Variants in TRAPPC8 observed in about 807,000 individuals in gnomAD.
TRAPPC8 encodes trafficking protein particle complex subunit 8.
TRAPPC8 carries 54 observed loss-of-function variants against 174.3 expected under a neutral mutation model. The ratio of observed to expected loss-of-function variants is 0.31; its 90% CI spans 0.25 to 0.39. TRAPPC8 has a LOEUF of 0.39. Among genes scored for constraint, TRAPPC8 ranks in the 10% least tolerant of loss-of-function variants. TRAPPC8 has a pLI of 1.00. For synonymous variants in TRAPPC8, 630 were observed against 579.9 expected, an observed-to-expected ratio of 1.09 and a Z score of -1.24; for missense variants, 1,531 against 1,699.1, an observed-to-expected ratio of 0.90 and a Z score of 1.74.
intron 12 of TRAPPC8, among the ~76,000 whole-genome samples, 155 bp from the exon 13 acceptor site, chr18:31,874,859 A>T (rs893418631): frequency 6.6e-6 from 1 of 152,248 alleles, no homozygotes; most frequent in Non-Finnish European, 1.5e-5. Flanking sequence ...ATTTATGATA[A>T]TCCCTTCACA....
chr18:31,882,070 A>C (rs2035481829), intron 12 of TRAPPC8, among the ~76,000 whole-genome samples: 1 of 152,194 alleles, frequency 6.6e-6, no homozygotes, highest in South Asian at 2.1e-4. Flanking sequence ...ATAAAAGAGA[A>C]CTACCATTCA....
intron 2 of TRAPPC8, among the ~76,000 whole-genome samples, chr18:31,921,709 G>A (rs1453253777): frequency 6.6e-6 from 1 of 151,848 alleles, no homozygotes; most frequent in East Asian, 1.9e-4. Flanking sequence ...TTTCTGCAAT[G>A]TATAATGTAG....
chr18:31,876,708 T>A (rs2035172724), intron 12 of TRAPPC8, among the ~76,000 whole-genome samples: 1 of 151,848 alleles, frequency 6.6e-6, no homozygotes, highest in Admixed American at 6.6e-5. Context: ...CAAAACCCCA[T>A]GGAAAGGGTA....
intron 2 of TRAPPC8, among the ~76,000 whole-genome samples, chr18:31,921,260 A>G (rs759003903): frequency 1.6e-4 from 24 of 152,208 alleles, no homozygotes; most frequent in Non-Finnish European, 3.4e-4. Context: ...TTATCTATAC[A>G]AGAGAGAAGA....
chr18:31,872,069 C>G (rs2034892803), intron 14 of TRAPPC8, among the ~76,000 whole-genome samples: 2 of 151,884 alleles, frequency 1.3e-5, no homozygotes, highest in African/African-American at 4.8e-5. Flanking sequence ...TTTCGTGTAG[C>G]CATCACCCAA....
chr18:31,900,894 G>T, intron 10 of TRAPPC8, 31 bp downstream of exon 10: 1 of 1,458,456 alleles, frequency 6.9e-7, no homozygotes, highest in Non-Finnish European at 9.3e-7. Flanking sequence ...CCTTTAACTG[G>T]ATACAATATA....
chr18:31,913,331 C>T (rs1362328735), intron 5 of TRAPPC8, 38 bp downstream of exon 5: 12 of 1,528,272 alleles, frequency 7.9e-6, no homozygotes, highest in South Asian at 3.9e-5. Flanking sequence ...ACTGAAGTAT[C>T]GTTTTTGTGG....
chr18:31,940,912 A>G (rs1163723490), intron 1 of TRAPPC8, among the ~76,000 whole-genome samples: 1 of 99,456 alleles, frequency 1.0e-5, no homozygotes, highest in Non-Finnish European at 2.4e-5. Flanking sequence ...TAAGAACACA[A>G]TGTCTTGAGT....
intron 26 of TRAPPC8, among the ~76,000 whole-genome samples, chr18:31,844,180 A>G (rs933893608): frequency 6.6e-6 from 1 of 152,206 alleles, no homozygotes. Context: ...TGTTGCAAAT[A>G]AAAAAACTAC....
chr18:31,890,109 G>C (rs975930674), intron 12 of TRAPPC8, among the ~76,000 whole-genome samples: 2 of 152,130 alleles, frequency 1.3e-5, no homozygotes, highest in African/African-American at 4.8e-5. Context: ...ATATAGAGAT[G>C]GTTGTTTAAT....
At chr18:31,871,936 GT>G (rs1430836810) in intron 14 of TRAPPC8, among the ~76,000 whole-genome samples, 3 of 152,038 alleles carry the variant, frequency 2.0e-5, no homozygotes, top group Middle Eastern at 3.4e-3. Context: ...GAATGACAAA[GT>G]TTAACAGCCA....
At chr18:31,921,774 C>T (rs552899529) in intron 2 of TRAPPC8, among the ~76,000 whole-genome samples, 1 of 152,210 alleles carries the variant, frequency 6.6e-6, no homozygotes, top group South Asian at 2.1e-4. Context: ...TCATTTATTA[C>T]GCTTCGATTT....
intron 12 of TRAPPC8, among the ~76,000 whole-genome samples, chr18:31,876,567 A>G (rs1301733612): frequency 6.6e-6 from 1 of 151,282 alleles, no homozygotes; most frequent in African/African-American, 2.4e-5. Context: ...CAGAAAGATC[A>G]AAGTAACTAA....
intron 2 of TRAPPC8, among the ~76,000 whole-genome samples, chr18:31,924,491 T>G (rs972723818): frequency 1.2e-4 from 17 of 143,576 alleles, no homozygotes; most frequent in African/African-American, 4.4e-4. Flanking sequence ...CCAGGAGTGG[T>G]GGCTCACACC....
chr18:31,899,135 A>G (rs1598701770), intron 10 of TRAPPC8, among the ~76,000 whole-genome samples: 1 of 152,316 alleles, frequency 6.6e-6, no homozygotes, highest in East Asian at 1.9e-4. Context: ...CCTATATACT[A>G]GCAACTACTT....
intron 13 of TRAPPC8, chr18:31,874,158 C>T: frequency 2.8e-6 from 1 of 362,478 alleles, no homozygotes; most frequent in Admixed American, 4.4e-5. Context: ...CACTTAAAAC[C>T]AACTGTAAAA....
chr18:31,853,290 C>T (rs529369512), intron 22 of TRAPPC8, among the ~76,000 whole-genome samples: 65 of 152,092 alleles, frequency 4.3e-4, no homozygotes, highest in Non-Finnish European at 6.6e-4. Flanking sequence ...TTTTTTGTGA[C>T]AGAGTCTTAC....
intron 10 of TRAPPC8, 80 bp from the exon 11 acceptor site, chr18:31,897,971 C>T: frequency 8.0e-7 from 1 of 1,248,968 alleles, no homozygotes; most frequent in South Asian, 1.5e-5. Flanking sequence ...GCAAAAGATT[C>T]CAATTACAGT....
chr18:31,831,019 G>A (rs1295574321), intron 28 of TRAPPC8, 30 bp from the exon 29 acceptor site: 1 of 1,568,118 alleles, frequency 6.4e-7, no homozygotes, highest in Admixed American at 1.9e-5. Flanking sequence ...TAAGTTGCAG[G>A]ATTTTTTTCT....
Sources: gnomAD v4.1 joint callset for allele counts (sites outside exome capture counted in the v4.1 genomes callset) on GRCh38, gnomAD v4.1.1 for gene constraint, MANE v1.5 for transcripts, NCBI Gene and HGNC (gene_info 2026-07-23, HGNC 2026-07-21) for gene names.